Variants in ARHGAP26 observed in about 807,000 individuals in gnomAD.
ARHGAP26 encodes the protein Rho GTPase activating protein 26, also known as rho GTPase-activating protein 26.
A neutral mutation model predicts 104.8 loss-of-function variants in ARHGAP26; 38 were observed. The ratio of observed to expected loss-of-function variants is 0.36; its 90% CI spans 0.28 to 0.48. The LOEUF (loss-of-function observed/expected upper bound fraction) is 0.48, where lower values mean the gene tolerates loss of function less well. Among genes scored for constraint, ARHGAP26 ranks in the 20% least tolerant of loss-of-function variants. The pLI, the probability that ARHGAP26 is intolerant of heterozygous loss-of-function variation, is 0.99. For missense variants in ARHGAP26, 704 were observed against 947.9 expected (o/e 0.74, Z 3.38); for synonymous variants, 341 against 340.0 (o/e 1.00, Z -0.03).
chr5:143,113,442 T>C (rs1023993110), intron 17 of ARHGAP26, among the ~76,000 whole-genome samples: 3 of 152,222 alleles, frequency 2.0e-5, no homozygotes, highest in Non-Finnish European at 4.4e-5. Context: ...ACAGCCTGGA[T>C]GAATGCATAT....
intron 17 of ARHGAP26, among the ~76,000 whole-genome samples, chr5:143,060,903 T>G (rs910621616): frequency 6.6e-6 from 1 of 152,160 alleles, no homozygotes; most frequent in African/African-American, 2.4e-5. Flanking sequence ...GATTGGGATG[T>G]AGGCGAATAT....
intron 1 of ARHGAP26, among the ~76,000 whole-genome samples, chr5:142,825,607 G>C (rs1021919968): frequency 1.3e-5 from 2 of 152,148 alleles, no homozygotes; most frequent in Non-Finnish European, 2.9e-5. Flanking sequence ...AAGTTCAAAG[G>C]GTTATTATTT....
At chr5:142,981,724 C>T (rs907434649) in intron 11 of ARHGAP26, among the ~76,000 whole-genome samples, 2 of 152,194 alleles carry the variant, frequency 1.3e-5, no homozygotes, top group East Asian at 3.8e-4. Context: ...TCCTTCCTGT[C>T]TCCCTCTTCA....
At chr5:142,934,193 A>G (rs538661349) in intron 11 of ARHGAP26, among the ~76,000 whole-genome samples, 2 of 152,116 alleles carry the variant, frequency 1.3e-5, no homozygotes, top group African/African-American at 4.8e-5. Context: ...CCACTTAGAT[A>G]TTTGTTCTCT....
intron 11 of ARHGAP26, among the ~76,000 whole-genome samples, chr5:142,954,164 G>A (rs962234525): frequency 5.3e-5 from 8 of 152,156 alleles, no homozygotes; most frequent in African/African-American, 1.4e-4. Flanking sequence ...ATACCACTAG[G>A]CAATCATCAA....
chr5:142,877,014 G>C (rs556061245), intron 3 of ARHGAP26, among the ~76,000 whole-genome samples: 15 of 152,098 alleles, frequency 9.9e-5, no homozygotes, highest in African/African-American at 2.2e-4. Flanking sequence ...ATTCTTTTGA[G>C]TCTGATTCTT....
At chr5:142,783,371 C>G (rs972281055) in intron 1 of ARHGAP26, among the ~76,000 whole-genome samples, 1 of 152,222 alleles carries the variant, frequency 6.6e-6, no homozygotes, top group Non-Finnish European at 1.5e-5. Context: ...TGAAAGGAAA[C>G]TTTTGCTCCT....
At chr5:143,133,221 A>G (rs1323576063) in intron 18 of ARHGAP26, among the ~76,000 whole-genome samples, 1 of 142,302 alleles carries the variant, frequency 7.0e-6, no homozygotes, top group Non-Finnish European at 1.5e-5. Flanking sequence ...CCCCTCCTCC[A>G]AAAAAAAAGC....
At chr5:143,103,132 C>T (rs973039623) in intron 17 of ARHGAP26, 20 of 446,570 alleles carry the variant, frequency 4.5e-5, no homozygotes, top group African/African-American at 3.6e-4. Context: ...ACTAAGGTGC[C>T]ATCCTTGCCT....
intron 18 of ARHGAP26, among the ~76,000 whole-genome samples, chr5:143,122,440 T>G (rs1182518925): frequency 6.6e-6 from 1 of 152,214 alleles, no homozygotes; most frequent in African/African-American, 2.4e-5. Flanking sequence ...CTGTTTAAAA[T>G]TATAATCCCA....
chr5:143,042,673 G>T (rs1783648205), intron 14 of ARHGAP26, among the ~76,000 whole-genome samples: 3 of 152,226 alleles, frequency 2.0e-5, no homozygotes, highest in African/African-American at 7.2e-5. Flanking sequence ...ATCACTTGGG[G>T]TACGCAGCTC....
chr5:143,152,830 C>T (rs1262153025), intron 20 of ARHGAP26, among the ~76,000 whole-genome samples: 7 of 152,158 alleles, frequency 4.6e-5, no homozygotes, highest in Non-Finnish European at 7.3e-5. Flanking sequence ...TCTCTCTCAG[C>T]GCAGCTCAGC....
At chr5:143,050,584 A>G (rs991629061) in intron 14 of ARHGAP26, among the ~76,000 whole-genome samples, 4 of 152,172 alleles carry the variant, frequency 2.6e-5, no homozygotes, top group East Asian at 3.8e-4. Flanking sequence ...AAAGCAATCA[A>G]TGACTTCTTT....
chr5:142,985,208 G>A (rs966673372), intron 11 of ARHGAP26, among the ~76,000 whole-genome samples: 1 of 152,044 alleles, frequency 6.6e-6, no homozygotes, highest in Non-Finnish European at 1.5e-5. Flanking sequence ...AAATACTTTT[G>A]TACAGCTGTA....
intron 17 of ARHGAP26, among the ~76,000 whole-genome samples, chr5:143,072,131 G>A (rs1196476768): frequency 6.6e-6 from 1 of 151,808 alleles, no homozygotes; most frequent in Middle Eastern, 3.2e-3. Flanking sequence ...TTTCTCAAAA[G>A]AAGACAGATG....
chr5:142,850,420 AC>A (rs1442056008), intron 1 of ARHGAP26, among the ~76,000 whole-genome samples: 4 of 152,020 alleles, frequency 2.6e-5, no homozygotes, highest in African/African-American at 9.7e-5. Flanking sequence ...TTTTCTTGCA[AC>A]CAGCATTAAA....
chr5:143,063,131 C>T (rs564091945), intron 17 of ARHGAP26, among the ~76,000 whole-genome samples: 44 of 152,326 alleles, frequency 2.9e-4, no homozygotes, highest in African/African-American at 9.6e-4. Flanking sequence ...CCTGATACCC[C>T]CACGCAGCCA....
intron 20 of ARHGAP26, among the ~76,000 whole-genome samples, chr5:143,154,571 C>G (rs1268062929): frequency 6.6e-6 from 1 of 152,180 alleles, no homozygotes; most frequent in African/African-American, 2.4e-5. Flanking sequence ...CTCACCTTCC[C>G]CCACCAGCCT....
intron 20 of ARHGAP26, chr5:143,168,776 GACCA>G (rs1172181572): frequency 3.9e-5 from 6 of 152,112 alleles, no homozygotes; most frequent in Non-Finnish European, 7.4e-5. Flanking sequence ...AATCAGGATA[GACCA>G]GATTCATGGT....
Sources: allele counts gnomAD v4.1 joint callset (sites outside exome capture counted in the v4.1 genomes callset), GRCh38; gene constraint gnomAD v4.1.1; transcripts MANE v1.5; gene names NCBI Gene and HGNC (gene_info 2026-07-23, HGNC 2026-07-21).